The following FRMD4B variants were observed in gnomAD, a reference collection of about 807,000 sequenced individuals.
The protein encoded by FRMD4B is FERM domain-containing protein 4B.
In FRMD4B, 74 loss-of-function variants were observed where a neutral mutation model predicts 141.5. The ratio of observed to expected loss-of-function variants is 0.52; its 90% CI spans 0.43 to 0.63. The LOEUF (loss-of-function observed/expected upper bound fraction) is 0.63, where lower values mean the gene tolerates loss of function less well. FRMD4B is among the 30% of genes least tolerant of loss of function. The probability of loss-of-function intolerance (pLI) is 0.00; values close to 1 mark genes in which losing one functional copy is unlikely to be tolerated. For missense variants in FRMD4B, 1,366 were observed against 1,253.4 expected (o/e 1.09, Z -1.36); for synonymous variants, 506 against 467.9 (o/e 1.08, Z -1.05).
intron 3 of FRMD4B, 68 bp downstream of exon 3, chr3:69,311,191 GTTAA>G: frequency 1.5e-6 from 1 of 677,832 alleles, no homozygotes; most frequent in Non-Finnish European, 2.6e-6. Context: ...TTCCTTTTTT[GTTAA>G]TTATGGAAGA....
rs573534255 is a variant in FRMD4B at position 69,347,246 on chromosome 3, T to C, written c.163-33729A>G. Among the ~76,000 whole-genome samples the C allele has an allele frequency of 3.9e-5, 6 of 152,284 alleles. No homozygotes were observed. The South Asian group carries it at 1.0e-3, about 26-fold the overall frequency. On this transcript the variant is annotated intron_variant, in intron 1 of 22. Transcript: ENST00000398540. ...AAAAGAGACAAAGAAGGCCATTACATAATGGTAAAGGGATCAATTCAACCA... is the reference window on the plus strand; with the variant it reads ...AAAAGAGACAAAGAAGGCCATTACACAATGGTAAAGGGATCAATTCAACCA...
At chr3:69,211,288 AAAC>A (rs2093077068) in intron 11 of FRMD4B, among the ~76,000 whole-genome samples, 1 of 152,190 alleles carries the variant, frequency 6.6e-6, no homozygotes, top group African/African-American at 2.4e-5. Flanking sequence ...AAGAGAGATT[AAAC>A]AACATGCTCA....
At chr3:69,358,111 A>G (rs1320860174) in intron 1 of FRMD4B, among the ~76,000 whole-genome samples, 1 of 152,136 alleles carries the variant, frequency 6.6e-6, no homozygotes, top group African/African-American at 2.4e-5. Flanking sequence ...TCTTTCACAC[A>G]CATGCTGGTT....
At chr3:69,528,587 A>G (rs1700966771) in intron 1 of FRMD4B, among the ~76,000 whole-genome samples, 1 of 152,048 alleles carries the variant, frequency 6.6e-6, no homozygotes, top group East Asian at 1.9e-4. Flanking sequence ...GCTGCTCTCA[A>G]ATCCTTGGGT....
chr3:69,386,137 T>G, upstream of FRMD4B: 1 of 722,006 alleles, frequency 1.4e-6, no homozygotes, highest in South Asian at 2.2e-5. Context: ...TCACCGTGCG[T>G]CCTGGCCAGG....
At chr3:69,187,145 G>A (rs73835750) in intron 19 of FRMD4B, among the ~76,000 whole-genome samples, 3,530 of 152,218 alleles carry the variant, frequency 0.023, 150 homozygotes, top group African/African-American at 0.081. Context: ...CTGAACTGTG[G>A]ACACTATGTC....
chr3:69,429,504 T>C (rs1261890220), intron 2 of FRMD4B, among the ~76,000 whole-genome samples: 2 of 152,158 alleles, frequency 1.3e-5, no homozygotes, highest in African/African-American at 2.4e-5. Context: ...AAAGAAAAGA[T>C]AAATATTCAA....
In FRMD4B at chr3:69,187,804, T is replaced by C. The variant is rs1433484161; in HGVS notation, c.1885A>G (p.Ile629Val). 1.2e-6 allele frequency: 2 copies of C among 1,612,794 alleles called. No homozygotes were observed. The highest frequency in any genetic ancestry group is 1.3e-5 in the African/African-American group (1 of 74,984). ...IERIHFRKSS[I>V]NEQFVDTRQS... Reference sequence around the variant, plus strand: ...CTGGTATCCACAAACTGTTCATTGATGGACGACTTTCTGAAATGGATTCGC... The same window carrying C: ...CTGGTATCCACAAACTGTTCATTGACGGACGACTTTCTGAAATGGATTCGC... The change falls in exon 19 of 23, where the codon ATC (isoleucine) becomes GTC (valine). Residue 629 changes from isoleucine to valine, a missense_variant. Physicochemically the swap from Ile to Val is conservative, Grantham distance 29. Coordinates refer to ENST00000398540, the MANE Select transcript of FRMD4B (RefSeq NM_015123.3).
intron 2 of FRMD4B, among the ~76,000 whole-genome samples, chr3:69,427,641 A>ATTTTTTTTTTT (rs1285387505): frequency 4.0e-5 from 3 of 74,550 alleles, no homozygotes; most frequent in Non-Finnish European, 5.5e-5. Context: ...AGCTAGGTAA[A>ATTTTTTTTTTT]TGTTTTTTTT....
intron 1 of FRMD4B, among the ~76,000 whole-genome samples, chr3:69,366,932 C>T (rs76148616): frequency 0.17 from 26,321 of 151,738 alleles, 2,525 homozygotes; most frequent in African/African-American, 0.24. Flanking sequence ...CTATGCCCGA[C>T]TAATTTGTAT....
At chr3:69,258,797 G>A (rs934271159) in intron 5 of FRMD4B, among the ~76,000 whole-genome samples, 8 of 152,044 alleles carry the variant, frequency 5.3e-5, no homozygotes, top group African/African-American at 1.7e-4. Context: ...TGATTGGACT[G>A]GGACCTATCT....
rs535271385 is a variant in FRMD4B, at chr3:69,200,941, C to T, written c.877-2167G>A. On this transcript the variant is annotated intron_variant, in intron 11 of 22. Transcript: ENST00000398540. ...ATGATCTCTGAAAGTCACCACCTCC[C>T]CCTCTTATCACTTACAAATGTGAAA... is the stretch of plus-strand genomic sequence containing the variant. 3 of 442,934 alleles carry T rather than the reference C, an allele frequency of 6.8e-6. No individual in the cohort carries two copies. In the East Asian group the frequency reaches 2.1e-4, roughly 31 times the overall value. The allele number at this position is 442,934 out of a possible 1,614,324, so 27.4% of individuals were successfully genotyped here.
At chr3:69,346,261 C>T (rs549743462) in intron 1 of FRMD4B, among the ~76,000 whole-genome samples, 15 of 151,802 alleles carry the variant, frequency 9.9e-5, no homozygotes, top group East Asian at 9.7e-4. Context: ...TGAAATGAAG[C>T]GAGAAGAGAA....
intron 17 of FRMD4B, among the ~76,000 whole-genome samples, chr3:69,193,072 C>T (rs917493776): frequency 1.3e-5 from 2 of 151,778 alleles, no homozygotes; most frequent in Non-Finnish European, 2.9e-5. Context: ...CCGCTCACCT[C>T]AGCCTCCCAA....
chr3:69,180,416 G>A (rs2092693141), intron 21 of FRMD4B, among the ~76,000 whole-genome samples: 1 of 152,058 alleles, frequency 6.6e-6, no homozygotes. Context: ...TGGTGAACCA[G>A]GAGGGATGTA....
intron 11 of FRMD4B, among the ~76,000 whole-genome samples, chr3:69,207,436 T>G (rs2093034015): frequency 6.6e-6 from 1 of 152,200 alleles, no homozygotes; most frequent in African/African-American, 2.4e-5. Flanking sequence ...TCAATCCTAT[T>G]TATGAGCTAT....
upstream of FRMD4B, among the ~76,000 whole-genome samples, chr3:69,387,967 T>C (rs1314091672): frequency 6.6e-6 from 1 of 152,184 alleles, no homozygotes; most frequent in Non-Finnish European, 1.5e-5. Flanking sequence ...CTGAATATAA[T>C]AGATTTTACT....
intron 5 of FRMD4B, among the ~76,000 whole-genome samples, chr3:69,265,052 G>A (rs1243096936): frequency 6.7e-6 from 1 of 149,184 alleles, no homozygotes; most frequent in Admixed American, 6.8e-5. Flanking sequence ...TCAGGAGATC[G>A]AGACCATCCT....
intron 1 of FRMD4B, among the ~76,000 whole-genome samples, chr3:69,537,096 C>T (rs950366919): frequency 2.0e-5 from 3 of 152,164 alleles, no homozygotes; most frequent in Non-Finnish European, 2.9e-5. Flanking sequence ...TGCCTAGTCA[C>T]GGCCCCCTAA....
Sources: allele counts gnomAD v4.1 joint callset (sites outside exome capture counted in the v4.1 genomes callset), GRCh38; gene constraint gnomAD v4.1.1; transcripts MANE v1.5; gene names NCBI Gene and HGNC (gene_info 2026-07-23, HGNC 2026-07-21).